MFHAS1: variants seen among roughly 807,000 people sequenced by gnomAD.
MFHAS1 encodes the protein malignant fibrous histiocytoma-amplified sequence 1.
A neutral mutation model predicts 70.4 loss-of-function variants in MFHAS1; 50 were observed. That is an observed-to-expected ratio of 0.71 (90% CI 0.57 to 0.90). MFHAS1 has a LOEUF of 0.90. Among genes scored for constraint, MFHAS1 ranks in the 40% least tolerant of loss-of-function variants. The pLI is 0.00. For synonymous variants in MFHAS1, 952 were observed against 620.0 expected, an observed-to-expected ratio of 1.54 and a Z score of -7.96; for missense variants, 1,795 against 1,347.6, an observed-to-expected ratio of 1.33 and a Z score of -5.20.
chr8:8,873,943 T>C (rs1212282696), intron 1 of MFHAS1, among the ~76,000 whole-genome samples: 2 of 152,226 alleles, frequency 1.3e-5, no homozygotes, highest in Admixed American at 1.3e-4. Flanking sequence ...GCATCACGTG[T>C]AATGGCTGAA....
At chr8:8,866,535 C>G (rs184979513) in intron 1 of MFHAS1, among the ~76,000 whole-genome samples, 2 of 152,184 alleles carry the variant, frequency 1.3e-5, no homozygotes, top group East Asian at 3.9e-4. Flanking sequence ...CCAGGCTGGT[C>G]TTCAACTCCT....
intron 1 of MFHAS1, among the ~76,000 whole-genome samples, chr8:8,854,096 T>A (rs1251003): frequency 0.14 from 21,666 of 152,132 alleles, 2,001 homozygotes; most frequent in African/African-American, 0.26. Context: ...GGTTGCCCAA[T>A]TTACAAAACA....
intron 1 of MFHAS1, among the ~76,000 whole-genome samples, chr8:8,880,697 TTC>T (rs202072362): frequency 1.4e-4 from 19 of 133,182 alleles, no homozygotes; most frequent in East Asian, 5.7e-4. Flanking sequence ...TTTTTTTTTT[TTC>T]CCCCAGATGG....
intron 1 of MFHAS1, among the ~76,000 whole-genome samples, chr8:8,832,150 C>G (rs1409344728): frequency 6.8e-6 from 1 of 147,548 alleles, no homozygotes; most frequent in Non-Finnish European, 1.5e-5. Flanking sequence ...TCACAAACTT[C>G]TAGGTGAAGG....
intron 1 of MFHAS1, among the ~76,000 whole-genome samples, chr8:8,808,389 G>A (rs576343866): frequency 6.6e-6 from 1 of 152,162 alleles, no homozygotes; most frequent in African/African-American, 2.4e-5. Context: ...CACTTTCTCG[G>A]TTATCAGATC....
At position 8,890,133 on chromosome 8, in the gene MFHAS1, G is replaced by C. The variant is rs774802881; in HGVS notation, c.2926C>G (p.Leu976Val). ...LNVLLQEWPG[L>V]HYTVHILCSK... Reference sequence around the variant, plus strand: ...CAGAGAATGTGCACGGTGTAGTGCAGTCCAGGCCATTCCTGAAGTAGGACA... The same window carrying C: ...CAGAGAATGTGCACGGTGTAGTGCACTCCAGGCCATTCCTGAAGTAGGACA... Residue 976 changes from leucine to valine, a missense_variant, in exon 1 of 3, where the codon CTG becomes GTG. Physicochemically the swap from Leu to Val is conservative, Grantham distance 32. Coordinates refer to ENST00000276282, the MANE Select transcript of MFHAS1 (RefSeq NM_004225.3). 1.9e-6 allele frequency: 3 copies of C among 1,614,192 alleles called. No homozygotes were observed. In the Admixed American group the frequency reaches 5.0e-5, roughly 27 times the overall value.
At chr8:8,786,302 G>A (rs1268900702) in intron 2 of MFHAS1, among the ~76,000 whole-genome samples, 1 of 152,146 alleles carries the variant, frequency 6.6e-6, no homozygotes, top group East Asian at 1.9e-4. Flanking sequence ...GCTATAAGAG[G>A]GAACTGTACT....
chr8:8,797,646 G>C (rs1805955029), intron 1 of MFHAS1, among the ~76,000 whole-genome samples, 155 bp from the exon 2 acceptor site: 1 of 152,230 alleles, frequency 6.6e-6, no homozygotes. Flanking sequence ...AAGAACAGCA[G>C]AACTGCCTGG....
chr8:8,866,346 G>C (rs190061415), intron 1 of MFHAS1, among the ~76,000 whole-genome samples: 1 of 151,014 alleles, frequency 6.6e-6, no homozygotes, highest in Admixed American at 6.6e-5. Context: ...TTTGAGACAG[G>C]GTCTTACTGT....
intron 1 of MFHAS1, among the ~76,000 whole-genome samples, chr8:8,805,216 T>G (rs1210538034): frequency 6.6e-6 from 1 of 152,144 alleles, no homozygotes; most frequent in East Asian, 1.9e-4. Context: ...TCCCTCACAT[T>G]ACAAGCTTAT....
At chr8:8,880,253 T>C (rs1809466898) in intron 1 of MFHAS1, among the ~76,000 whole-genome samples, 1 of 152,180 alleles carries the variant, frequency 6.6e-6, no homozygotes, top group Admixed American at 6.5e-5. Context: ...GGCAAAAGAA[T>C]TCCCAGTCAC....
chr8:8,799,515 C>A (rs373176423), intron 1 of MFHAS1, among the ~76,000 whole-genome samples: 5 of 152,122 alleles, frequency 3.3e-5, no homozygotes, highest in Non-Finnish European at 5.9e-5. Context: ...CAGCACTTTG[C>A]GAGGCAAAGA....
intron 1 of MFHAS1, among the ~76,000 whole-genome samples, chr8:8,817,558 C>A (rs533627248): frequency 6.6e-6 from 1 of 152,212 alleles, no homozygotes; most frequent in Non-Finnish European, 1.5e-5. Context: ...CGAGTGCTGC[C>A]GCAGTGCCCC....
rs146519903 is a variant in MFHAS1, at chr8:8,820,200, C to A, written c.2999-22709G>T. Among the ~76,000 whole-genome samples, 795 of 152,178 alleles carry A rather than the reference C, an allele frequency of 5.2e-3. 11 individuals carry two copies. Among genetic ancestry groups the A allele is most frequent in the African/African-American group, 0.018 (766 of 41,504 alleles). On this transcript the variant is annotated intron_variant, in intron 1 of 2. Coordinates refer to ENST00000276282, the MANE Select transcript of MFHAS1 (RefSeq NM_004225.3). The stretch of plus-strand genomic sequence containing the variant: ...TGCAAAGAAAAGAATATAATCCTTT[C>A]CCTTACTCCCCCTTCCCAAGTCCCC...
intron 1 of MFHAS1, among the ~76,000 whole-genome samples, chr8:8,882,235 C>T (rs557420082): frequency 2.0e-5 from 3 of 151,920 alleles, no homozygotes; most frequent in Non-Finnish European, 4.4e-5. Flanking sequence ...AAAACACACA[C>T]AAAAATTAGC....
In MFHAS1 at chr8:8,892,219, G is replaced by C. The variant is rs3748141; in HGVS notation, c.840C>G (p.Leu280=). 221,205 of 1,610,674 alleles carry C rather than the reference G, an allele frequency of 0.14. 16,643 individuals carry two copies. Among genetic ancestry groups the C allele is most frequent in the African/African-American group, 0.25 (18,732 of 74,994 alleles). ...GGAACTCCTCGAAGAGGTTGGAGGA[G>C]AGGTTGAGCATTTTGAGCCGCTGCA... The part of the protein sequence containing the change: ...SCLQRLKMLN[L]SSNLFEEFPA... The change falls in exon 1 of 3, where the codon CTC becomes CTG. Residue 280 remains leucine, a synonymous_variant. Transcript: ENST00000276282. This position sits in a 1 kb window ranked among gnomAD's most constrained non-coding sequence, Gnocchi z 4.7.
rs548364762 is a variant in MFHAS1 at position 8,891,829 on chromosome 8, G to C, written c.1230C>G (p.Leu410=). The change falls in exon 1 of 3, where the codon CTC becomes CTG. Residue 410 remains leucine, a synonymous_variant. Coordinates refer to ENST00000276282, the MANE Select transcript of MFHAS1 (RefSeq NM_004225.3). The surrounding 1 kb of genome is among the most constrained non-coding windows in gnomAD (Gnocchi z 5.4). ...CCTTATGCCCCATCAGGAGCAGCTT[G>C]AGCCGGGGCTGCACCGCCGGCTGGG... ...AHSQPAVQPR[L]KLLLMGHKAA... is the part of the protein sequence containing the mutation. 1.7e-5 allele frequency: 27 copies of C among 1,613,146 alleles called. No homozygotes were observed. In the South Asian group the frequency reaches 2.5e-4, roughly 15 times the overall value.
At chr8:8,839,178 G>C (rs1230239298) in intron 1 of MFHAS1, among the ~76,000 whole-genome samples, 3 of 151,024 alleles carry the variant, frequency 2.0e-5, no homozygotes, top group Non-Finnish European at 4.4e-5. Context: ...CTGGGGAAGA[G>C]AGAATTAAAA....
At chr8:8,792,539 G>A (rs1805753831) in intron 2 of MFHAS1, among the ~76,000 whole-genome samples, 1 of 152,150 alleles carries the variant, frequency 6.6e-6, no homozygotes, top group African/African-American at 2.4e-5. Flanking sequence ...CCAGGAGGCG[G>A]AGGTTGTGGT....
Sources: gnomAD v4.1 joint callset for allele counts (sites outside exome capture counted in the v4.1 genomes callset) on GRCh38, gnomAD v4.1.1 for gene constraint, Gnocchi (gnomAD v3.1) non-coding constraint, MANE v1.5 for transcripts, NCBI Gene and HGNC (gene_info 2026-07-23, HGNC 2026-07-21) for gene names.